Variants in TPRG1 observed in about 807,000 individuals in gnomAD.
TPRG1 encodes the protein tumor protein p63-regulated gene 1 protein.
A neutral mutation model predicts 29.3 loss-of-function variants in TPRG1; 29 were observed. That is an observed-to-expected ratio of 0.99 (90% confidence interval 0.74 to 1.35). The LOEUF (loss-of-function observed/expected upper bound fraction) is 1.35, where lower values mean the gene tolerates loss of function less well. Among genes scored for constraint, TPRG1 ranks in the 40% most tolerant of loss-of-function variants. The pLI, the probability that TPRG1 is intolerant of heterozygous loss-of-function variation, is 0.00. For missense variants in TPRG1, 327 were observed against 335.0 expected (o/e 0.98, Z 0.19); for synonymous variants, 130 against 116.8 (o/e 1.11, Z -0.73).
Position 189,324,496 on chromosome 3 carries a change from C to A in TPRG1, c.*3676C>A, listed in dbSNP as rs1724562377. The A allele has an allele frequency of 6.6e-6, 1 of 152,002 alleles. No individual in the cohort carries two copies. The highest frequency in any genetic ancestry group is 1.9e-4 in the East Asian group (1 of 5,136). The allele number at this position is 152,002 out of a possible 1,614,324, so 9.4% of individuals were successfully genotyped here. A position where few individuals can be genotyped will look rare whatever the true frequency, so the allele number is the denominator to read the frequency against. On this transcript the variant is annotated 3_prime_UTR_variant, in exon 6 of 6. Coordinates refer to ENST00000345063, the MANE Select transcript of TPRG1 (RefSeq NM_198485.4). ...GGGCACAGTCGTTTGGGAAGAATTT[C>A]CAGAAATTGCCATCATTTTCTTAAA...
intron 4 of TPRG1, among the ~76,000 whole-genome samples, chr3:189,280,329 A>ATATATATAAATGAATGG (rs1560643856): frequency 6.6e-6 from 1 of 152,164 alleles, no homozygotes; most frequent in Non-Finnish European, 1.5e-5. Context: ...AAATGAATGG[A>ATATATATAAATGAATGG]AGACATTTTA....
chr3:189,139,450 G>A (rs571014077), intron 3 of TPRG1, among the ~76,000 whole-genome samples: 65 of 152,270 alleles, frequency 4.3e-4, no homozygotes, highest in Non-Finnish European at 7.9e-4. Flanking sequence ...CTCATCCAGA[G>A]AGCACGTACA....
rs555297019 is a variant in TPRG1, at chr3:189,049,285, G to T, written c.-463+25339G>T. Among the ~76,000 whole-genome samples the T allele has an allele frequency of 2.6e-5, 4 of 152,286 alleles. No individual in the cohort carries two copies. In the East Asian group the frequency reaches 7.7e-4, roughly 29 times the overall value. ...CCTCTCGCCCTCCACCTGGAAACAG[G>T]CTTGGGGCTGTGGGTAGTGGGGGCA... On this transcript the variant is annotated intron_variant, in intron 4 of 10. Coordinates refer to the TPRG1 transcript ENST00000433971.
intron 3 of TPRG1, among the ~76,000 whole-genome samples, chr3:189,216,983 A>C (rs1288455415): frequency 6.6e-6 from 1 of 152,182 alleles, no homozygotes. Context: ...GGTATTTCTA[A>C]ATCTAGTCAA....
At chr3:189,095,375 C>G (rs1718607959), upstream of TPRG1, among the ~76,000 whole-genome samples, 1 of 152,104 alleles carries the variant, frequency 6.6e-6, no homozygotes, top group Non-Finnish European at 1.5e-5. Context: ...CTCTTCCTTG[C>G]CCTTGAGTTC....
At chr3:189,182,695 G>A (rs138313378) in intron 1 of TPRG1, among the ~76,000 whole-genome samples, 283 of 152,134 alleles carry the variant, frequency 1.9e-3, no homozygotes, top group African/African-American at 5.8e-3. Context: ...ATAAAAGTAC[G>A]TAAAAAGGGA....
chr3:189,088,063 G>A (rs1041478636), intron 4 of TPRG1, among the ~76,000 whole-genome samples: 3 of 152,134 alleles, frequency 2.0e-5, no homozygotes, highest in Admixed American at 6.5e-5. Flanking sequence ...GCTTGATAGG[G>A]ATGGCATTGA....
chr3:189,122,764 G>A (rs897817380), intron 1 of TPRG1, among the ~76,000 whole-genome samples: 2 of 152,162 alleles, frequency 1.3e-5, no homozygotes, highest in Non-Finnish European at 2.9e-5. Flanking sequence ...GTTTCACAAA[G>A]CCATCATTTA....
At chr3:189,025,945 G>A (rs916567336) in intron 4 of TPRG1, among the ~76,000 whole-genome samples, 3 of 152,182 alleles carry the variant, frequency 2.0e-5, no homozygotes, top group African/African-American at 4.8e-5. Context: ...TATTAATCGT[G>A]ACTTTTTTCA....
At chr3:189,191,944 C>G (rs1731757215) in intron 1 of TPRG1, among the ~76,000 whole-genome samples, 1 of 152,166 alleles carries the variant, frequency 6.6e-6, no homozygotes, top group Admixed American at 6.5e-5. Flanking sequence ...TCTAGTGATG[C>G]AAACATCTTC....
chr3:189,253,441 G>A (rs1742592060), intron 4 of TPRG1, among the ~76,000 whole-genome samples: 1 of 152,156 alleles, frequency 6.6e-6, no homozygotes, highest in Admixed American at 6.6e-5. Context: ...CATTCTTTTT[G>A]ATGGCTGCAT....
At chr3:189,099,503 C>T (rs779556309), upstream of TPRG1, among the ~76,000 whole-genome samples, 10 of 152,140 alleles carry the variant, frequency 6.6e-5, no homozygotes, top group Non-Finnish European at 1.2e-4. Context: ...GAAGCCGCTT[C>T]CTCCTGGAGG....
intron 4 of TPRG1, among the ~76,000 whole-genome samples, chr3:189,060,103 A>T (rs1716003032): frequency 1.3e-5 from 2 of 152,104 alleles, no homozygotes; most frequent in African/African-American, 2.4e-5. Flanking sequence ...GTGGTGGCGC[A>T]TGCCTGTAAT....
At chr3:189,118,441 G>A (rs895157564) in intron 1 of TPRG1, among the ~76,000 whole-genome samples, 1 of 152,206 alleles carries the variant, frequency 6.6e-6, no homozygotes, top group Non-Finnish European at 1.5e-5. Flanking sequence ...CCTGCAGAAA[G>A]TTGTATAAGT....
At chr3:189,081,139 CA>C in intron 4 of TPRG1, among the ~76,000 whole-genome samples, 2 of 152,042 alleles carry the variant, frequency 1.3e-5, no homozygotes, top group Middle Eastern at 6.8e-3. Flanking sequence ...AAGATGATAG[CA>C]AAATATGAAT....
chr3:189,119,158 G>C (rs1721534805), intron 1 of TPRG1, among the ~76,000 whole-genome samples: 1 of 152,226 alleles, frequency 6.6e-6, no homozygotes, highest in Non-Finnish European at 1.5e-5. Context: ...GTGAGTCATG[G>C]AGTCAAAAGA....
intron 3 of TPRG1, among the ~76,000 whole-genome samples, chr3:189,006,121 G>A (rs1045173782): frequency 7.2e-5 from 11 of 151,888 alleles, no homozygotes; most frequent in South Asian, 2.1e-4. Context: ...GTAAAACTAC[G>A]AAGCGTATTT....
At chr3:189,243,719 T>C (rs995270991) in intron 4 of TPRG1, among the ~76,000 whole-genome samples, 15 of 152,200 alleles carry the variant, frequency 9.9e-5, no homozygotes, top group Non-Finnish European at 1.8e-4. Flanking sequence ...TTTCTTCCAC[T>C]AGATAATCCT....
chr3:189,248,049 A>C (rs1741615034), intron 4 of TPRG1, among the ~76,000 whole-genome samples: 1 of 151,536 alleles, frequency 6.6e-6, no homozygotes, highest in Admixed American at 6.6e-5. Flanking sequence ...TTTATTCTCT[A>C]TTGACTTTAT....
Sources: gnomAD v4.1 joint callset for allele counts (sites outside exome capture counted in the v4.1 genomes callset) on GRCh38, gnomAD v4.1.1 for gene constraint, MANE v1.5 for transcripts, NCBI Gene and HGNC (gene_info 2026-07-23, HGNC 2026-07-21) for gene names.